The following DYDC2 variants were observed in gnomAD, a reference collection of about 807,000 sequenced individuals.
DYDC2 encodes the protein DPY30 domain containing 2, also known as DPY30 domain-containing protein 2.
In DYDC2, 19 loss-of-function variants were observed where a neutral mutation model predicts 18.7. The observed-to-expected ratio is 1.02, with a 90% confidence interval of 0.71 to 1.49. The LOEUF is 1.49. Ranked by LOEUF, DYDC2 falls within the 40% of genes most tolerant of loss-of-function variation. DYDC2 has a pLI of 0.00. For missense variants in DYDC2, 179 were observed against 205.1 expected (o/e 0.87, Z 0.78); for synonymous variants, 63 against 67.6 (o/e 0.93, Z 0.34).
At chr10:80,354,190 T>C (rs73301483), upstream of DYDC2, among the ~76,000 whole-genome samples, 6,223 of 150,786 alleles carry the variant, frequency 0.041, 401 homozygotes, top group African/African-American at 0.14. Context: ...GTTAAACAAA[T>C]GTATAATGAA....
intron 2 of DYDC2, among the ~76,000 whole-genome samples, chr10:80,359,781 C>G (rs1041569545): frequency 6.6e-6 from 1 of 152,214 alleles, no homozygotes; most frequent in African/African-American, 2.4e-5. Context: ...CCGGCTGATC[C>G]GAGTGCGGGG....
intron 1 of DYDC2, 144 bp from the exon 2 acceptor site, chr10:80,357,749 T>C: frequency 1.0e-6 from 1 of 972,210 alleles, no homozygotes; most frequent in Non-Finnish European, 1.2e-6. Context: ...TTTCAGCTTA[T>C]GGGCGGGGCA....
At position 80,367,231 on chromosome 10, in the gene DYDC2, G is replaced by A. The variant is rs1843864351; in HGVS notation, c.*280G>A. The stretch of plus-strand genomic sequence containing the variant: ...TACACAATGAAAACACATCTGTTGG[G>A]GTGATCAGACCCAACACCCGGCCAT... On this transcript the variant is annotated 3_prime_UTR_variant, in exon 5 of 5. Coordinates refer to ENST00000256039, the MANE Select transcript of DYDC2 (RefSeq NM_032372.6). 3.2e-6 allele frequency: 1 copy of A among 310,638 alleles called. No homozygotes were observed. Among genetic ancestry groups the A allele is most frequent in the South Asian group, 5.6e-5 (1 of 17,826 alleles). 19.2% of individuals were successfully genotyped at this position (310,638 alleles called of 1,614,324 possible). A position where few individuals can be genotyped will look rare whatever the true frequency, so the allele number is the denominator to read the frequency against.
At position 80,357,874 on chromosome 10, in the gene DYDC2, A is replaced by T; in HGVS notation, c.-162-19A>T. 1 of 985,580 alleles carries T rather than the reference A, an allele frequency of 1.0e-6. No individual in the cohort carries two copies. The highest frequency in any genetic ancestry group is 1.2e-6 in the Non-Finnish European group (1 of 830,034). 61.1% of individuals were successfully genotyped at this position (985,580 alleles called of 1,614,324 possible). ...GGTGGCAGAACTCTCTCAATGAATA[A>T]GTCAAGAAATATTTACAGAGCTCCC... On this transcript the variant is annotated intron_variant, in intron 1 of 4. Coordinates refer to ENST00000256039, the MANE Select transcript of DYDC2 (RefSeq NM_032372.6).
At chr10:80,348,852 G>A (rs1296269399) in intron 1 of DYDC2, among the ~76,000 whole-genome samples, 3 of 152,150 alleles carry the variant, frequency 2.0e-5, no homozygotes, top group Non-Finnish European at 4.4e-5. Context: ...CATTTTCAAG[G>A]ATGAAATGCA....
intron 1 of DYDC2, among the ~76,000 whole-genome samples, chr10:80,349,191 C>A (rs1459602187): frequency 6.6e-6 from 1 of 152,128 alleles, no homozygotes; most frequent in Admixed American, 6.6e-5. Context: ...GCGCCCGGCC[C>A]GCAGATAAAT....
At chr10:80,358,819 G>A (rs181759064) in intron 2 of DYDC2, among the ~76,000 whole-genome samples, 139 of 152,290 alleles carry the variant, frequency 9.1e-4, no homozygotes, top group South Asian at 3.5e-3. Context: ...CCCTCACAGT[G>A]AGTATTACAG....
At chr10:80,357,048 G>A (rs1843422149) in intron 1 of DYDC2, among the ~76,000 whole-genome samples, 1 of 138,728 alleles carries the variant, frequency 7.2e-6, no homozygotes, top group Non-Finnish European at 1.6e-5. Context: ...AGAGAGAAGG[G>A]GTCGTGCGGA....
intron 1 of DYDC2, among the ~76,000 whole-genome samples, chr10:80,350,217 A>G (rs1364986434): frequency 6.6e-6 from 1 of 152,224 alleles, no homozygotes; most frequent in Non-Finnish European, 1.5e-5. Flanking sequence ...ACAGTGGATT[A>G]GTTCATACCG....
At chr10:80,346,017 T>C (rs2132783654) in intron 1 of DYDC2, among the ~76,000 whole-genome samples, 1 of 152,214 alleles carries the variant, frequency 6.6e-6, no homozygotes, top group African/African-American at 2.4e-5. Flanking sequence ...CTGGATAATT[T>C]ATACATTTTT....
In DYDC2 at chr10:80,366,698, C is replaced by T; in HGVS notation, c.281C>T (p.Ser94Phe). ...TTGTTTTCTATTTAGGAACTGACTT[C>T]TGAAACTGTTTCCACGAAGAAGACC... ...NCEKCHKELT[S>F]ETVSTKKTIF... The change falls in exon 5 of 5, where the codon TCT becomes TTT. Residue 94 changes from serine (S) to phenylalanine (F), a missense_variant. By Grantham distance (155) the Ser-to-Phe change is radical (BLOSUM62 -2). Transcript: ENST00000256039. The T allele has an allele frequency of 6.2e-7, 1 of 1,602,084 alleles. No individual in the cohort carries two copies. Among genetic ancestry groups the T allele is most frequent in the Non-Finnish European group, 8.5e-7 (1 of 1,174,662 alleles).
At chr10:80,355,825 C>A (rs1318015159), upstream of DYDC2, among the ~76,000 whole-genome samples, 1 of 152,104 alleles carries the variant, frequency 6.6e-6, no homozygotes, top group Non-Finnish European at 1.5e-5. Context: ...CACAAATGAA[C>A]CTAATTCCAA....
At chr10:80,359,066 T>G (rs1472776347) in intron 2 of DYDC2, among the ~76,000 whole-genome samples, 1 of 152,228 alleles carries the variant, frequency 6.6e-6, no homozygotes, top group Admixed American at 6.5e-5. Context: ...AGGTTGCAGC[T>G]GCTGGCTCAG....
chr10:80,352,934 C>A (rs1019138520), upstream of DYDC2, among the ~76,000 whole-genome samples: 1 of 152,112 alleles, frequency 6.6e-6, no homozygotes, highest in Admixed American at 6.5e-5. Context: ...TCACAACATA[C>A]CTGAAAAATG....
chr10:80,364,942 A>G (rs767171956), intron 4 of DYDC2, among the ~76,000 whole-genome samples: 10 of 152,222 alleles, frequency 6.6e-5, no homozygotes, highest in Non-Finnish European at 1.5e-4. Context: ...CAAAAAGACA[A>G]GATTCCAAGT....
rs1237646011 is a variant in DYDC2, at chr10:80,363,440, G to A, written c.270+367G>A. On this transcript the variant is annotated intron_variant, in intron 4 of 4. Coordinates refer to ENST00000256039, the MANE Select transcript of DYDC2 (RefSeq NM_032372.6). ...TCTCACTACAGCCTCTGCCTCCTGGGTTCAAGTGATTCTCCTGTCTCAGCC... is the reference window on the plus strand; with the variant it reads ...TCTCACTACAGCCTCTGCCTCCTGGATTCAAGTGATTCTCCTGTCTCAGCC... 3.5e-5 allele frequency among the ~76,000 whole-genome samples: 5 copies of A among 144,694 alleles called. 1 individual carries two copies. The highest frequency in any genetic ancestry group is 7.4e-5 in the Non-Finnish European group (5 of 67,270). The allele number at this position is 144,694 out of a possible 152,430, so 94.9% of individuals were successfully genotyped here.
chr10:80,359,038 T>C (rs549676817), intron 2 of DYDC2, among the ~76,000 whole-genome samples: 32 of 152,218 alleles, frequency 2.1e-4, no homozygotes, highest in Non-Finnish European at 4.3e-4. Context: ...GCTTCCAGTG[T>C]GGAAGGGAAC....
At chr10:80,358,416 C>T (rs1405354963) in intron 2 of DYDC2, among the ~76,000 whole-genome samples, 3 of 152,190 alleles carry the variant, frequency 2.0e-5, no homozygotes, top group African/African-American at 7.2e-5. Flanking sequence ...GACTCCTTCC[C>T]CTCCAGCCCT....
intron 2 of DYDC2, among the ~76,000 whole-genome samples, chr10:80,358,433 ATGGCTCTATGC>A (rs553495319): frequency 6.6e-6 from 1 of 152,180 alleles, no homozygotes; most frequent in Non-Finnish European, 1.5e-5. Context: ...CCCTCAGATT[ATGGCTCTATGC>A]TGGCTCTACT....
Sources: allele counts gnomAD v4.1 joint callset (sites outside exome capture counted in the v4.1 genomes callset), GRCh38; gene constraint gnomAD v4.1.1; transcripts MANE v1.5; gene names NCBI Gene and HGNC (gene_info 2026-07-23, HGNC 2026-07-21).